ARHGEF4: variants seen among roughly 807,000 people sequenced by gnomAD.
The protein encoded by ARHGEF4 is APC-stimulated guanine nucleotide exchange factor 1.
In ARHGEF4, 119 loss-of-function variants were observed where a neutral mutation model predicts 162.0. The ratio of observed to expected loss-of-function variants is 0.73; its 90% CI spans 0.63 to 0.86. The LOEUF is 0.86. Among genes scored for constraint, ARHGEF4 ranks in the 40% least tolerant of loss-of-function variants. The pLI is 0.00. For synonymous variants in ARHGEF4, 1,014 were observed against 979.9 expected (o/e 1.03, Z -0.65); for missense variants, 2,488 against 2,456.0 (o/e 1.01, Z -0.28).
At chr2:130,880,917 T>A (rs978695511) in intron 1 of ARHGEF4, among the ~76,000 whole-genome samples, 1 of 152,156 alleles carries the variant, frequency 6.6e-6, no homozygotes, top group Non-Finnish European at 1.5e-5. Flanking sequence ...GTGGTTTGAA[T>A]CCTAGCTTTA....
rs199780102 is a variant in ARHGEF4, at chr2:130,925,079, T to C, written c.3553-5873T>C. Among the ~76,000 whole-genome samples, 986 of 132,386 alleles carry C rather than the reference T, an allele frequency of 7.4e-3. 11 individuals are homozygous for C. Among genetic ancestry groups the C allele is most frequent in the East Asian group, 0.032 (149 of 4,630 alleles). The allele number at this position is 132,386 out of a possible 152,430, so 86.9% of individuals were successfully genotyped here. A position where few individuals can be genotyped will look rare whatever the true frequency, so the allele number is the denominator to read the frequency against. On this transcript the variant is annotated intron_variant, in intron 2 of 13. Transcript: ENST00000409359. ...GTGTGTGTGTGTGTGTGTGTGTGTG[T>C]GCGTCTGAGAGAGAGAGAGAGAGAG...
chr2:130,982,369 T>A (rs1686175518), intron 4 of ARHGEF4, among the ~76,000 whole-genome samples: 1 of 152,146 alleles, frequency 6.6e-6, no homozygotes, highest in Non-Finnish European at 1.5e-5. Flanking sequence ...GCCAAATTTC[T>A]CCAATTGTCT....
At chr2:130,979,184 G>A (rs750772108) in intron 4 of ARHGEF4, among the ~76,000 whole-genome samples, 19 of 152,262 alleles carry the variant, frequency 1.2e-4, no homozygotes, top group Admixed American at 9.8e-4. Context: ...ACAATTTAAC[G>A]TGACAATCAT....
chr2:130,915,801 A>G lies in ARHGEF4; in HGVS notation c.1855A>G (p.Lys619Glu). ...TGCCGGGGGCCGGCAGCTGGAGCCC[A>G]AAGCAGGCGGCGAGGCCTCGAGGGG... is the stretch of plus-strand genomic sequence containing the variant. ...GGAGGRQLEP[K>E]AGGEASRGRG... The change falls in exon 2 of 14, where the codon AAA becomes GAA. Residue 619 changes from lysine to glutamate, a missense_variant. Physicochemically the swap from Lys to Glu is moderately conservative, Grantham distance 56. Around this residue, in one of 6 missense-constraint regions of ARHGEF4, gnomAD observed 1,642 missense variants for 1,481.5 expected, o/e 1.11. Transcript: ENST00000409359. 6.6e-7 allele frequency: 1 copy of G among 1,525,052 alleles called. No individual in the cohort carries two copies. The highest frequency in any genetic ancestry group is 1.3e-5 in the South Asian group (1 of 79,600). The allele number at this position is 1,525,052 out of a possible 1,614,324, so 94.5% of individuals were successfully genotyped here. A position where few individuals can be genotyped will look rare whatever the true frequency, so the allele number is the denominator to read the frequency against.
At chr2:131,010,821 T>C (rs965998625) in intron 4 of ARHGEF4, among the ~76,000 whole-genome samples, 21 of 152,220 alleles carry the variant, frequency 1.4e-4, no homozygotes, top group Non-Finnish European at 3.1e-4. Flanking sequence ...TGGGACATAA[T>C]GGAGGGAAGC....
chr2:130,845,992 C>G (rs66609529), intron 1 of ARHGEF4, among the ~76,000 whole-genome samples: 6,181 of 152,216 alleles, frequency 0.041, 154 homozygotes, highest in Middle Eastern at 0.082. Flanking sequence ...GACTGTGCAC[C>G]GGTCGAAACC....
intron 1 of ARHGEF4, among the ~76,000 whole-genome samples, chr2:130,838,824 GCCCCA>G (rs894647139): frequency 6.6e-6 from 1 of 152,188 alleles, no homozygotes; most frequent in African/African-American, 2.4e-5. Flanking sequence ...CACCCAGCTG[GCCCCA>G]GAAGCTCCAG....
intron 1 of ARHGEF4, among the ~76,000 whole-genome samples, chr2:130,891,228 T>G (rs918058875): frequency 6.6e-6 from 1 of 152,214 alleles, no homozygotes; most frequent in Non-Finnish European, 1.5e-5. Context: ...TAAGCAGATA[T>G]TTAGTGACTG....
Position 131,044,440 on chromosome 2 carries a change from G to A in ARHGEF4, c.5299G>A (p.Gly1767Arg). The change falls in exon 12 of 14, where the codon GGG (glycine) becomes AGG (arginine). Residue 1767 changes from glycine to arginine, a missense_variant. Physicochemically the swap from Gly to Arg is moderately radical, Grantham distance 125. Transcript: ENST00000409359. ...NAFRLHRGAT[G>R]DSHLLCTRKP... ...CTTCCGGCTGCACCGTGGCGCCACA[G>A]GGGACAGCCACCTGCTGTGCACCAG... The A allele has an allele frequency of 6.4e-7, 1 of 1,561,258 alleles. No homozygotes were observed.
chr2:130,930,450 T>G (rs1682563795), intron 2 of ARHGEF4, among the ~76,000 whole-genome samples: 1 of 152,142 alleles, frequency 6.6e-6, no homozygotes, highest in Admixed American at 6.5e-5. Context: ...TTAAGGTGCC[T>G]GGTGCGTAAC....
At chr2:130,840,889 C>T (rs955924454) in intron 1 of ARHGEF4, among the ~76,000 whole-genome samples, 10 of 152,160 alleles carry the variant, frequency 6.6e-5, no homozygotes, top group African/African-American at 1.7e-4. Context: ...TGTGCTGTTA[C>T]GCAGGTGACC....
intron 2 of ARHGEF4, among the ~76,000 whole-genome samples, chr2:130,926,070 CTTTCTTTG>C (rs1467407668): frequency 0.014 from 1,972 of 141,692 alleles, 78 homozygotes; most frequent in African/African-American, 0.049. Context: ...TTCTTTCTTT[CTTTCTTTG>C]GTCTGTTTTC....
At chr2:130,905,757 T>C in intron 1 of ARHGEF4, among the ~76,000 whole-genome samples, 1 of 152,214 alleles carries the variant, frequency 6.6e-6, no homozygotes, top group East Asian at 1.9e-4. Flanking sequence ...ACTCTTTTTA[T>C]CACTAGTTAT....
At chr2:130,853,651 G>A (rs35272855) in intron 1 of ARHGEF4, among the ~76,000 whole-genome samples, 17,271 of 152,200 alleles carry the variant, frequency 0.11, 1,087 homozygotes, top group South Asian at 0.22. Flanking sequence ...GAAGAGCAAC[G>A]TCTCCCGTTG....
In ARHGEF4 at chr2:130,916,227, G is replaced by A. The variant is rs1168992846; in HGVS notation, c.2281G>A (p.Ala761Thr). 6.5e-7 allele frequency: 1 copy of A among 1,537,818 alleles called. No individual in the cohort carries two copies. The highest frequency in any genetic ancestry group is 2.5e-5 in the East Asian group (1 of 40,348). ...PEEAPEGGAA[A>T]ARGQRPRVPA... is the part of the protein sequence containing the mutation. ...GGAGGCCCCCGAAGGCGGTGCTGCA[G>A]CAGCCCGGGGCCAGCGCCCCCGCGT... Residue 761 changes from alanine to threonine, a missense_variant, in exon 2 of 14, where the codon GCA becomes ACA. By Grantham distance (58) the Ala-to-Thr change is moderately conservative (BLOSUM62 0). Coordinates refer to ENST00000409359, the MANE Select transcript of ARHGEF4 (RefSeq NM_001367493.1).
intron 1 of ARHGEF4, among the ~76,000 whole-genome samples, chr2:130,908,317 G>C (rs570419504): frequency 6.6e-6 from 1 of 152,334 alleles, no homozygotes; most frequent in East Asian, 1.9e-4. Context: ...CTGAAACTTT[G>C]CTGAAGTTGT....
In ARHGEF4 at chr2:130,914,566, G is replaced by A; in HGVS notation, c.620G>A (p.Gly207Glu). Residue 207 changes from glycine to glutamate, a missense_variant, in exon 2 of 14, where the codon GGG (glycine) becomes GAG (glutamate). Gly to Glu is a moderately conservative substitution (Grantham distance 98). Around this residue, in one of 6 missense-constraint regions of ARHGEF4, gnomAD observed 81 missense variants for 125.8 expected, o/e 0.64. Coordinates refer to ENST00000409359, the MANE Select transcript of ARHGEF4 (RefSeq NM_001367493.1). Reference sequence around the variant, plus strand: ...GGGGTGGCTGTTCAAGACCTCAGAGGGCTCTCCAGTGTTTCTCTTCAGAAA... The same window carrying A: ...GGGGTGGCTGTTCAAGACCTCAGAGAGCTCTCCAGTGTTTCTCTTCAGAAA... ...VQGVAVQDLR[G>E]LSSVSLQKSR... is the part of the protein sequence containing the mutation. 7.1e-7 allele frequency: 1 copy of A among 1,401,774 alleles called. No homozygotes were observed. The highest frequency in any genetic ancestry group is 9.2e-7 in the Non-Finnish European group (1 of 1,084,368). 86.8% of individuals were successfully genotyped at this position (1,401,774 alleles called of 1,614,324 possible).
chr2:130,877,682 T>A (rs1678943158), intron 1 of ARHGEF4, among the ~76,000 whole-genome samples: 1 of 152,296 alleles, frequency 6.6e-6, no homozygotes, highest in African/African-American at 2.4e-5. Flanking sequence ...TCATGCCACC[T>A]TCTCAGGGGT....
At chr2:130,856,656 T>C (rs1215629235) in intron 1 of ARHGEF4, among the ~76,000 whole-genome samples, 1 of 152,350 alleles carries the variant, frequency 6.6e-6, no homozygotes, top group African/African-American at 2.4e-5. Context: ...AATCCATGTA[T>C]CATTGTATTG....
Sources: gnomAD v4.1 joint callset for allele counts (sites outside exome capture counted in the v4.1 genomes callset) on GRCh38, gnomAD v4.1.1 for gene constraint, gnomAD v4.1.1 regional missense constraint, MANE v1.5 for transcripts, NCBI Gene and HGNC (gene_info 2026-07-23, HGNC 2026-07-21) for gene names.